The following ASCC3 variants were observed in gnomAD, a reference collection of about 807,000 sequenced individuals.
ASCC3 encodes the protein activating signal cointegrator 1 complex subunit 3.
A neutral mutation model predicts 256.3 loss-of-function variants in ASCC3; 158 were observed. The ratio of observed to expected loss-of-function variants is 0.62; its 90% CI spans 0.54 to 0.70. The LOEUF (loss-of-function observed/expected upper bound fraction) is 0.70, where lower values mean the gene tolerates loss of function less well. Ranked by LOEUF, ASCC3 falls within the 30% of genes least tolerant of loss-of-function variation. The pLI is 0.00. For synonymous variants in ASCC3, 948 were observed against 883.4 expected (o/e 1.07, Z -1.30); for missense variants, 2,259 against 2,626.0 (o/e 0.86, Z 3.05).
chr6:100,733,115 C>T (rs1779986088), intron 10 of ASCC3, among the ~76,000 whole-genome samples: 1 of 152,136 alleles, frequency 6.6e-6, no homozygotes, highest in African/African-American at 2.4e-5. Context: ...TAAAACCTTG[C>T]TCAAAGCTTT....
chr6:100,881,152 G>C lies in ASCC3; in HGVS notation c.-133C>G, dbSNP rs1025733579. 6.6e-6 allele frequency: 1 copy of C among 152,322 alleles called. No individual in the cohort carries two copies. Among genetic ancestry groups the C allele is most frequent in the African/African-American group, 2.4e-5 (1 of 41,458 alleles). The allele number at this position is 152,322 out of a possible 1,614,324, so 9.4% of individuals were successfully genotyped here. A position where few individuals can be genotyped will look rare whatever the true frequency, so the allele number is the denominator to read the frequency against. ...CGGTTTTACTTTAACTTCCCACGCC[G>C]GGTGAGGAGCTGAGCGCAGGGCCAA... On this transcript the variant is annotated 5_prime_UTR_variant, in exon 1 of 42. Coordinates refer to ENST00000369162, the MANE Select transcript of ASCC3 (RefSeq NM_006828.4).
chr6:100,579,186 G>GTT (rs34493851), intron 36 of ASCC3, among the ~76,000 whole-genome samples: 63 of 132,350 alleles, frequency 4.8e-4, no homozygotes, highest in South Asian at 2.3e-3. Context: ...GGGGTTGTTT[G>GTT]TTTTTTTTTT....
chr6:100,650,019 T>C (rs1775577580), intron 20 of ASCC3, among the ~76,000 whole-genome samples: 1 of 151,600 alleles, frequency 6.6e-6, no homozygotes, highest in Non-Finnish European at 1.5e-5. Context: ...AATGTTTAAG[T>C]TTCAACAGTA....
In ASCC3 at chr6:100,689,875, T is replaced by G. The variant is rs117112986; in HGVS notation, c.2152-10123A>C. Among the ~76,000 whole-genome samples, 1,944 of 152,254 alleles carry G rather than the reference T, an allele frequency of 0.013. 97 individuals carry two copies. In the East Asian group the frequency reaches 0.14, roughly 11 times the overall value. ...TGTTATAGAAATACATGTATGCGTA[T>G]TTTAGTGCTATTAAAAGGTGTAAAA... On this transcript the variant is annotated intron_variant, in intron 13 of 41. Transcript: ENST00000369162.
chr6:100,612,691 AC>A (rs1433143557), intron 30 of ASCC3, among the ~76,000 whole-genome samples: 1 of 152,010 alleles, frequency 6.6e-6, no homozygotes, highest in Non-Finnish European at 1.5e-5. Context: ...TAAACCCCAT[AC>A]ACTGAAGGAA....
At chr6:100,709,009 GA>G (rs71919249) in intron 13 of ASCC3, among the ~76,000 whole-genome samples, 4,617 of 130,946 alleles carry the variant, frequency 0.035, 180 homozygotes, top group African/African-American at 0.1. Flanking sequence ...CCTTAAGACC[GA>G]AAAAAAAAAA....
At chr6:100,625,372 T>C (rs1189204082) in intron 29 of ASCC3, 38 bp from the exon 30 acceptor site, 1 of 1,605,320 alleles carries the variant, frequency 6.2e-7, no homozygotes. Flanking sequence ...GGAAAGATAC[T>C]TAACCCCAGA....
chr6:100,715,575 TA>T (rs1779051652), intron 12 of ASCC3, 42 bp from the exon 13 acceptor site: 2 of 1,544,132 alleles, frequency 1.3e-6, no homozygotes, highest in African/African-American at 2.7e-5. Flanking sequence ...GTGAAACAAT[TA>T]TAAACTTTCT....
intron 3 of ASCC3, among the ~76,000 whole-genome samples, chr6:100,853,630 A>G (rs1173548619): frequency 6.6e-6 from 1 of 152,080 alleles, no homozygotes; most frequent in Non-Finnish European, 1.5e-5. Flanking sequence ...ATGCCTAGCT[A>G]ATTTTTAAAT....
chr6:100,876,100 C>T lies in ASCC3; in HGVS notation c.-42+4961G>A, dbSNP rs759293169. Among the ~76,000 whole-genome samples the T allele has an allele frequency of 3.3e-5, 5 of 151,742 alleles. No individual in the cohort carries two copies. The South Asian group carries it at 8.4e-4, about 25-fold the overall frequency. ...GGAGTAGGGTCTCTGAGAATGCAGG[C>T]GAGAATGACAACAAAAGCATAGGTC... On this transcript the variant is annotated intron_variant, in intron 1 of 41. Transcript: ENST00000369162.
chr6:100,862,277 A>T (rs531278641), intron 3 of ASCC3, among the ~76,000 whole-genome samples: 1 of 152,184 alleles, frequency 6.6e-6, no homozygotes, highest in Non-Finnish European at 1.5e-5. Flanking sequence ...GCTTAAGCAA[A>T]CTCAATTTTT....
intron 8 of ASCC3, among the ~76,000 whole-genome samples, chr6:100,797,629 G>T (rs1436522618): frequency 6.6e-6 from 1 of 151,834 alleles, no homozygotes; most frequent in Non-Finnish European, 1.5e-5. Context: ...TGGCTGTATT[G>T]TAGAATCACC....
chr6:100,609,006 C>T (rs1773251196), intron 30 of ASCC3, among the ~76,000 whole-genome samples: 1 of 150,578 alleles, frequency 6.6e-6, no homozygotes, highest in Non-Finnish European at 1.5e-5. Context: ...TCGTGATCCG[C>T]CCGTCTCGGC....
intron 13 of ASCC3, among the ~76,000 whole-genome samples, chr6:100,691,801 T>G (rs1213269212): frequency 6.6e-6 from 1 of 152,048 alleles, no homozygotes; most frequent in African/African-American, 2.4e-5. Flanking sequence ...TATAGACTTG[T>G]GCTGAATATC....
chr6:100,570,149 T>TA (rs1480936814), intron 36 of ASCC3, among the ~76,000 whole-genome samples: 1 of 152,210 alleles, frequency 6.6e-6, no homozygotes, highest in Non-Finnish European at 1.5e-5. Context: ...GGAACCTTGC[T>TA]AAAATCATTT....
intron 16 of ASCC3, among the ~76,000 whole-genome samples, chr6:100,656,575 T>C (rs922791648): frequency 1.7e-4 from 25 of 151,484 alleles, no homozygotes; most frequent in South Asian, 2.1e-4. Flanking sequence ...TATTTTTAAA[T>C]ATAGCATTTA....
chr6:100,521,254 T>C (rs988434078), intron 37 of ASCC3, among the ~76,000 whole-genome samples: 9 of 152,148 alleles, frequency 5.9e-5, no homozygotes, highest in Non-Finnish European at 1.0e-4. Flanking sequence ...AGAGTAGTGA[T>C]GCTGGTAATT....
chr6:100,859,450 A>G (rs1306291485), intron 3 of ASCC3, among the ~76,000 whole-genome samples: 2 of 152,060 alleles, frequency 1.3e-5, no homozygotes. Context: ...ACTGTCACAA[A>G]TACTGCTATA....
intron 4 of ASCC3, among the ~76,000 whole-genome samples, chr6:100,811,055 G>A (rs983217436): frequency 2.8e-4 from 42 of 152,004 alleles, no homozygotes; most frequent in African/African-American, 8.4e-4. Context: ...TTTACCCCCC[G>A]CCCATACTAA....
Sources: gnomAD v4.1 joint callset for allele counts (sites outside exome capture counted in the v4.1 genomes callset) on GRCh38, gnomAD v4.1.1 for gene constraint, MANE v1.5 for transcripts, NCBI Gene and HGNC (gene_info 2026-07-23, HGNC 2026-07-21) for gene names.